Variants in ADGRL3 observed in about 807,000 individuals in gnomAD.
ADGRL3 encodes adhesion G protein-coupled receptor L3, also known as calcium-independent alpha-latrotoxin receptor 3.
ADGRL3 carries 62 observed loss-of-function variants against 153.5 expected under a neutral mutation model. The ratio of observed to expected loss-of-function variants is 0.40; its 90% confidence interval spans 0.33 to 0.50. ADGRL3 has a LOEUF of 0.50. ADGRL3 is among the 20% of genes least tolerant of loss of function. The pLI, the probability that ADGRL3 is intolerant of heterozygous loss-of-function variation, is 0.47. For missense variants in ADGRL3, 1,641 were observed against 1,859.4 expected, an observed-to-expected ratio of 0.88 and a Z score of 2.16; for synonymous variants, 710 against 672.5, an observed-to-expected ratio of 1.06 and a Z score of -0.86.
chr4:61,398,619 A>T (rs1479750441), intron 2 of ADGRL3, among the ~76,000 whole-genome samples: 1 of 151,438 alleles, frequency 6.6e-6, no homozygotes, highest in Non-Finnish European at 1.5e-5. Flanking sequence ...TTTGCTGACC[A>T]TTCCATCCTT....
chr4:61,986,385 T>C (rs1457391685), intron 19 of ADGRL3, among the ~76,000 whole-genome samples: 1 of 152,170 alleles, frequency 6.6e-6, no homozygotes, highest in Non-Finnish European at 1.5e-5. Context: ...TTGTTTGTGT[T>C]TTAGTCATTT....
intron 1 of ADGRL3, among the ~76,000 whole-genome samples, chr4:61,309,667 G>T (rs910826681): frequency 2.6e-5 from 4 of 152,072 alleles, no homozygotes; most frequent in Admixed American, 1.3e-4. Context: ...ATTTTTAGAT[G>T]TGTTCACCAA....
intron 4 of ADGRL3, among the ~76,000 whole-genome samples, chr4:61,570,879 T>G (rs1475886353): frequency 6.6e-6 from 1 of 152,190 alleles, no homozygotes; most frequent in East Asian, 1.9e-4. Flanking sequence ...ATTCTCATCA[T>G]TTCTGAATAA....
intron 1 of ADGRL3, among the ~76,000 whole-genome samples, chr4:61,315,481 T>C (rs9685418): frequency 4.6e-5 from 7 of 152,172 alleles, no homozygotes; most frequent in Non-Finnish European, 8.8e-5. Context: ...GGGCTCTGTA[T>C]ACAAAGTTCC....
chr4:61,682,913 G>A (rs142184387), intron 6 of ADGRL3, among the ~76,000 whole-genome samples: 6 of 152,200 alleles, frequency 3.9e-5, no homozygotes, highest in Non-Finnish European at 5.9e-5. Flanking sequence ...CCAAGATAAA[G>A]ATTCTGTCGT....
intron 9 of ADGRL3, among the ~76,000 whole-genome samples, chr4:61,884,080 C>G (rs149973764): frequency 1.9e-3 from 286 of 152,262 alleles, no homozygotes; most frequent in Middle Eastern, 0.01. Flanking sequence ...ATTTTATTCC[C>G]AGTACAATGC....
chr4:61,797,782 A>G (rs1185584756), intron 8 of ADGRL3, among the ~76,000 whole-genome samples: 7 of 152,280 alleles, frequency 4.6e-5, no homozygotes, highest in African/African-American at 1.7e-4. Flanking sequence ...CCCAGTTCTT[A>G]ATGGATTGGT....
At chr4:61,709,667 G>T (rs1384934363) in intron 6 of ADGRL3, among the ~76,000 whole-genome samples, 3 of 152,100 alleles carry the variant, frequency 2.0e-5, no homozygotes, top group Non-Finnish European at 4.4e-5. Context: ...CGAAAGCCTG[G>T]TCTCACAACC....
intron 5 of ADGRL3, among the ~76,000 whole-genome samples, chr4:61,644,883 G>T (rs7668545): frequency 2.0e-5 from 3 of 151,332 alleles, no homozygotes; most frequent in Non-Finnish European, 4.4e-5. Context: ...TTGACAGTGG[G>T]GTGTTAAAGT....
intron 3 of ADGRL3, among the ~76,000 whole-genome samples, chr4:61,508,118 C>T (rs1447968674): frequency 1.3e-5 from 2 of 152,006 alleles, no homozygotes; most frequent in Admixed American, 6.6e-5. Flanking sequence ...TAAAAAAAAT[C>T]CTTTTTGTCA....
chr4:61,878,029 G>C (rs1343193668), intron 9 of ADGRL3, among the ~76,000 whole-genome samples: 3 of 152,064 alleles, frequency 2.0e-5, no homozygotes, highest in African/African-American at 7.2e-5. Flanking sequence ...TTGTAAGTTC[G>C]CTGAGGCTTC....
chr4:61,534,121 A>G (rs1479457150), intron 4 of ADGRL3, among the ~76,000 whole-genome samples: 1 of 151,882 alleles, frequency 6.6e-6, no homozygotes, highest in Non-Finnish European at 1.5e-5. Context: ...TAATTTTTCT[A>G]TATGGTTGAG....
chr4:61,749,866 A>G (rs960670259), intron 8 of ADGRL3, among the ~76,000 whole-genome samples: 24 of 150,574 alleles, frequency 1.6e-4, no homozygotes, highest in African/African-American at 4.7e-4. Context: ...TAATAATAAT[A>G]AAATAAAAAT....
chr4:61,945,834 C>T (rs1255039673), intron 15 of ADGRL3, among the ~76,000 whole-genome samples: 1 of 152,052 alleles, frequency 6.6e-6, no homozygotes, highest in Non-Finnish European at 1.5e-5. Context: ...CGCCCACTGT[C>T]TGGCACTCCT....
At chr4:62,008,061 A>C (rs1204068341) in intron 21 of ADGRL3, among the ~76,000 whole-genome samples, 2 of 152,132 alleles carry the variant, frequency 1.3e-5, no homozygotes, top group Non-Finnish European at 1.5e-5. Flanking sequence ...TGAACTTGAC[A>C]AAGGCTGTTT....
intron 6 of ADGRL3, among the ~76,000 whole-genome samples, chr4:61,689,712 G>A (rs2095505457): frequency 6.6e-6 from 1 of 152,098 alleles, no homozygotes; most frequent in Admixed American, 6.6e-5. Context: ...AGAAATTTCA[G>A]TATTCAAAAT....
intron 4 of ADGRL3, among the ~76,000 whole-genome samples, chr4:61,558,124 G>T (rs2098775822): frequency 7.1e-6 from 1 of 140,272 alleles, no homozygotes; most frequent in Non-Finnish European, 1.5e-5. Context: ...ATATATATAT[G>T]TAGGAATCAT....
intron 2 of ADGRL3, among the ~76,000 whole-genome samples, chr4:61,434,217 C>T (rs747268610): frequency 3.9e-5 from 6 of 151,980 alleles, no homozygotes; most frequent in Non-Finnish European, 7.4e-5. Context: ...CTTAAAGAGT[C>T]TCTTCTGTAA....
At chr4:61,658,694 G>A (rs556555744) in intron 5 of ADGRL3, among the ~76,000 whole-genome samples, 4 of 152,118 alleles carry the variant, frequency 2.6e-5, no homozygotes, top group East Asian at 1.9e-4. Flanking sequence ...AGATCACTAC[G>A]TTACCATCCT....
Sources: gnomAD v4.1 joint callset for allele counts (sites outside exome capture counted in the v4.1 genomes callset) on GRCh38, gnomAD v4.1.1 for gene constraint, MANE v1.5 for transcripts, NCBI Gene and HGNC (gene_info 2026-07-23, HGNC 2026-07-21) for gene names.